Variants in AJAP1 observed in about 807,000 individuals in gnomAD.
AJAP1 encodes adherens junctions associated protein 1.
A neutral mutation model predicts 35.0 loss-of-function variants in AJAP1; 5 were observed. The observed-to-expected ratio is 0.14, with a 90% CI of 0.07 to 0.30. The LOEUF (loss-of-function observed/expected upper bound fraction) is 0.30, where lower values mean the gene tolerates loss of function less well. Among genes scored for constraint, AJAP1 ranks in the 10% least tolerant of loss-of-function variants. AJAP1 has a pLI of 1.00. For synonymous variants in AJAP1, 284 were observed against 249.3 expected (o/e 1.14, Z -1.31); for missense variants, 586 against 571.0 (o/e 1.03, Z -0.27).
At chr1:4,730,651 C>T (rs1640776591) in intron 2 of AJAP1, among the ~76,000 whole-genome samples, 1 of 152,196 alleles carries the variant, frequency 6.6e-6, no homozygotes. Context: ...CTTTCAGAAG[C>T]CAGAAGCCTG....
intron 2 of AJAP1, among the ~76,000 whole-genome samples, chr1:4,717,195 G>A (rs536262904): frequency 6.6e-6 from 1 of 152,332 alleles, no homozygotes; most frequent in Non-Finnish European, 1.5e-5. Context: ...AACTTGTGGG[G>A]AATTCAAGCC....
intron 2 of AJAP1, among the ~76,000 whole-genome samples, chr1:4,747,681 C>T (rs527808723): frequency 3.3e-5 from 5 of 152,288 alleles, no homozygotes; most frequent in South Asian, 2.1e-4. Flanking sequence ...CCACAATTGC[C>T]GACCTCAGAT....
At chr1:4,743,673 C>T (rs1022619090) in intron 2 of AJAP1, among the ~76,000 whole-genome samples, 1 of 152,156 alleles carries the variant, frequency 6.6e-6, no homozygotes, top group Non-Finnish European at 1.5e-5. Context: ...CACCCTTCAA[C>T]GAATTTATCT....
At chr1:4,659,405 G>A (rs148565278) in intron 1 of AJAP1, among the ~76,000 whole-genome samples, 103 of 152,302 alleles carry the variant, frequency 6.8e-4, no homozygotes, top group Middle Eastern at 3.4e-3. Flanking sequence ...GCAGGCAAAC[G>A]TGGTACAGTC....
intron 1 of AJAP1, among the ~76,000 whole-genome samples, chr1:4,705,810 G>A (rs1640089136): frequency 6.6e-6 from 1 of 152,084 alleles, no homozygotes; most frequent in Non-Finnish European, 1.5e-5. Flanking sequence ...AGCCAAACGA[G>A]ACACAACCAT....
chr1:4,759,243 C>A (rs115993609), intron 2 of AJAP1, among the ~76,000 whole-genome samples: 1 of 152,198 alleles, frequency 6.6e-6, no homozygotes, highest in Non-Finnish European at 1.5e-5. Flanking sequence ...ATCAGTCCTG[C>A]ACCAGGGTCG....
intron 1 of AJAP1, among the ~76,000 whole-genome samples, chr1:4,683,385 C>T (rs567894830): frequency 6.6e-6 from 1 of 152,280 alleles, no homozygotes; most frequent in African/African-American, 2.4e-5. Context: ...CACTGTTTCC[C>T]ATTCAGTGGT....
chr1:4,711,369 C>T (rs1054249324), intron 1 of AJAP1, among the ~76,000 whole-genome samples: 6 of 152,136 alleles, frequency 3.9e-5, no homozygotes, highest in African/African-American at 1.4e-4. Context: ...CTCCGCTCCT[C>T]CTAGACCTGG....
chr1:4,692,308 G>A lies in AJAP1; in HGVS notation c.30-19592G>A, dbSNP rs1210871170. Among the ~76,000 whole-genome samples, 1 of 152,126 alleles carries A rather than the reference G, an allele frequency of 6.6e-6. No individual in the cohort carries two copies. Among genetic ancestry groups the A allele is most frequent in the East Asian group, 1.9e-4 (1 of 5,172 alleles). ...GGCTCCTCACCCCGCGCCCTGGGCT[G>A]CTCTCCTCTCTCCGTCTCTGGGCCC... On this transcript the variant is annotated intron_variant, in intron 1 of 5. Coordinates refer to ENST00000378191, the MANE Select transcript of AJAP1 (RefSeq NM_018836.4). The surrounding 1 kb of genome is among the most constrained non-coding windows in gnomAD (Gnocchi z 4.4).
chr1:4,719,731 T>C (rs540082745), intron 2 of AJAP1, among the ~76,000 whole-genome samples: 50 of 152,052 alleles, frequency 3.3e-4, no homozygotes, highest in African/African-American at 1.2e-3. Context: ...AATGGGCGAG[T>C]CCTGGTGTTC....
intron 2 of AJAP1, among the ~76,000 whole-genome samples, chr1:4,740,656 G>T (rs1641044173): frequency 6.6e-6 from 1 of 151,396 alleles, no homozygotes; most frequent in African/African-American, 2.4e-5. Context: ...TGTGGTGGCG[G>T]GCGCCTGTAG....
intron 2 of AJAP1, among the ~76,000 whole-genome samples, chr1:4,760,313 ATGAG>A (rs987208766): frequency 6.0e-5 from 9 of 150,490 alleles, no homozygotes; most frequent in South Asian, 2.1e-4. Context: ...GAGTGTGTAT[ATGAG>A]TGTGTGTGAA....
At chr1:4,747,332 C>G (rs761872470) in intron 2 of AJAP1, among the ~76,000 whole-genome samples, 8 of 152,210 alleles carry the variant, frequency 5.3e-5, no homozygotes, top group Non-Finnish European at 7.3e-5. Flanking sequence ...TGCCATCCCC[C>G]CTCTCCACCT....
intron 2 of AJAP1, among the ~76,000 whole-genome samples, chr1:4,757,968 A>G (rs1641471795): frequency 6.6e-6 from 1 of 151,870 alleles, no homozygotes; most frequent in Non-Finnish European, 1.5e-5. Context: ...GGAAGTGATC[A>G]CCCTCATGCT....
intron 5 of AJAP1, chr1:4,777,706 G>T (rs993427306): frequency 6.6e-6 from 1 of 152,198 alleles, no homozygotes; most frequent in African/African-American, 2.4e-5. Context: ...AGTCATAAAA[G>T]CTCTTGAATC....
intron 1 of AJAP1, among the ~76,000 whole-genome samples, chr1:4,702,330 C>G (rs1466352053): frequency 6.6e-6 from 1 of 152,216 alleles, no homozygotes; most frequent in Non-Finnish European, 1.5e-5. Flanking sequence ...CAGGCCACTC[C>G]ATTTTGGGGT....
At chr1:4,685,708 G>A (rs1451264339) in intron 1 of AJAP1, among the ~76,000 whole-genome samples, 4 of 152,248 alleles carry the variant, frequency 2.6e-5, no homozygotes, top group Admixed American at 2.6e-4. Context: ...TTGGCGCCAT[G>A]TTAGGGTGCA....
intron 2 of AJAP1, among the ~76,000 whole-genome samples, chr1:4,756,121 G>A (rs1182274048): frequency 6.6e-6 from 1 of 152,198 alleles, no homozygotes; most frequent in Non-Finnish European, 1.5e-5. Context: ...TCGCCAGGCA[G>A]AGGATCTTTG....
chr1:4,728,225 G>T (rs1640714502), intron 2 of AJAP1, among the ~76,000 whole-genome samples: 1 of 152,236 alleles, frequency 6.6e-6, no homozygotes, highest in Non-Finnish European at 1.5e-5. Flanking sequence ...TGGGCAGGGG[G>T]TCTGAGTCTG....
Sources: allele counts gnomAD v4.1 joint callset (sites outside exome capture counted in the v4.1 genomes callset), GRCh38; gene constraint gnomAD v4.1.1; non-coding constraint Gnocchi (gnomAD v3.1); transcripts MANE v1.5; gene names NCBI Gene and HGNC (gene_info 2026-07-23, HGNC 2026-07-21).